The following GOLT1A variants were observed in gnomAD, a reference collection of about 807,000 sequenced individuals.
The protein encoded by GOLT1A is golgi transport 1A.
GOLT1A carries 10 observed loss-of-function variants against 16.1 expected under a neutral mutation model. The ratio of observed to expected loss-of-function variants is 0.62; its 90% CI spans 0.38 to 1.05. GOLT1A has a LOEUF of 1.05. Among genes scored for constraint, GOLT1A ranks in the 50% least tolerant of loss-of-function variants. GOLT1A has a pLI of 0.01. For synonymous variants in GOLT1A, 60 were observed against 67.9 expected (o/e 0.88, Z 0.57); for missense variants, 137 against 165.7 (o/e 0.83, Z 0.95).
In GOLT1A at chr1:204,201,779, A is replaced by C; in HGVS notation, c.150T>G (p.Ile50Met). The C allele has an allele frequency of 6.2e-7, 1 of 1,614,152 alleles. No individual in the cohort carries two copies. The highest frequency in any genetic ancestry group is 1.3e-5 in the African/African-American group (1 of 75,054). ...AGAACCAAAAGGTCTTCCTCAGGCCAATGATGAGGGACAGGCCCGTCAGGA... is the reference window on the plus strand; with the variant it reads ...AGAACCAAAAGGTCTTCCTCAGGCCCATGATGAGGGACAGGCCCGTCAGGA... ...LLFLTGLSLI[I>M]GLRKTFWFFF... Residue 50 changes from isoleucine to methionine, a missense_variant, in exon 3 of 5, where the codon ATT (isoleucine) becomes ATG (methionine). Physicochemically the swap from Ile to Met is conservative, Grantham distance 10. Coordinates refer to ENST00000308302, the MANE Select transcript of GOLT1A (RefSeq NM_198447.2).
intron 1 of GOLT1A, among the ~76,000 whole-genome samples, chr1:204,206,285 T>C (rs1262033281): frequency 6.6e-6 from 1 of 152,214 alleles, no homozygotes; most frequent in East Asian, 1.9e-4. Flanking sequence ...TGATTCCTTG[T>C]GTTCCTGACA....
intron 3 of GOLT1A, 76 bp from the exon 4 acceptor site, chr1:204,199,334 A>G (rs1658915169): frequency 8.4e-7 from 1 of 1,188,176 alleles, no homozygotes. Flanking sequence ...GCTGAGGTCC[A>G]CTGAAAGGTT....
chr1:204,201,830 A>T lies in GOLT1A; in HGVS notation c.118-19T>A. The T allele has an allele frequency of 6.2e-7, 1 of 1,611,170 alleles. No homozygotes were observed. The highest frequency in any genetic ancestry group is 8.5e-7 in the Non-Finnish European group (1 of 1,178,374). Reference sequence around the variant, plus strand: ...ACAGCAGCTGTAGGGGAGGGAGGGGAGCATGAAGCAAACCCACCAGCCCCC... The same window carrying T: ...ACAGCAGCTGTAGGGGAGGGAGGGGTGCATGAAGCAAACCCACCAGCCCCC... On this transcript the variant is annotated intron_variant, in intron 2 of 4. Coordinates refer to ENST00000308302, the MANE Select transcript of GOLT1A (RefSeq NM_198447.2).
chr1:204,199,167 C>G (rs757111163), intron 4 of GOLT1A, 28 bp downstream of exon 4: 1 of 1,561,936 alleles, frequency 6.4e-7, no homozygotes, highest in Non-Finnish European at 8.7e-7. Context: ...AGGGTACGCC[C>G]GCAGGGCTGC....
intron 3 of GOLT1A, among the ~76,000 whole-genome samples, chr1:204,200,490 A>AT (rs370678531): frequency 0.021 from 3,078 of 148,888 alleles, 105 homozygotes; most frequent in African/African-American, 0.073. Context: ...AGCCTGGCTA[A>AT]TTTTTTTTTG....
rs760496162 is a variant in GOLT1A, at chr1:204,201,666, A to C, written c.263T>G (p.Phe88Cys). ...VLLRWPLLGM[F>C]LETYGFFSLF... ...GCTGAAGAATCCGTAGGTTTCCAGGAACATGCCGAGGAGGGGCCAGCGTAG... is the reference window on the plus strand; with the variant it reads ...GCTGAAGAATCCGTAGGTTTCCAGGCACATGCCGAGGAGGGGCCAGCGTAG... Residue 88 changes from phenylalanine to cysteine, a missense_variant, in exon 3 of 5, where the codon TTC (phenylalanine) becomes TGC (cysteine). Phe to Cys is a radical substitution (Grantham distance 205, BLOSUM62 -2). Coordinates refer to ENST00000308302, the MANE Select transcript of GOLT1A (RefSeq NM_198447.2). 1 of 1,614,136 alleles carries C rather than the reference A, an allele frequency of 6.2e-7. No individual in the cohort carries two copies. The highest frequency in any genetic ancestry group is 8.5e-7 in the Non-Finnish European group (1 of 1,180,010).
chr1:204,210,387 T>C (rs192637715), intron 1 of GOLT1A, among the ~76,000 whole-genome samples: 2 of 152,318 alleles, frequency 1.3e-5, no homozygotes, highest in East Asian at 3.9e-4. Context: ...TCTCTTCTCA[T>C]TCTATTTCCA....
Position 204,213,970 on chromosome 1 carries a change from G to A in GOLT1A, c.-64C>T. The A allele has an allele frequency of 6.4e-7, 1 of 1,573,982 alleles. No homozygotes were observed. The highest frequency in any genetic ancestry group is 1.1e-5 in the South Asian group (1 of 87,676). On this transcript the variant is annotated 5_prime_UTR_variant, in exon 1 of 5. Transcript: ENST00000308302. ...GCAAGTGGAGCGTGGCCCAGAGGAC[G>A]CAGCTGGTACATGGTCACGGGAAGC...
Position 204,209,547 on chromosome 1 carries a change from T to A in GOLT1A, c.25+4335A>T, listed in dbSNP as rs531753960. 2.6e-5 allele frequency among the ~76,000 whole-genome samples: 4 copies of A among 152,334 alleles called. No homozygotes were observed. In the East Asian group the frequency reaches 7.7e-4, roughly 29 times the overall value. On this transcript the variant is annotated intron_variant, in intron 1 of 4. Transcript: ENST00000308302. ...CACTTTTTAAAATTAGCAATAGTGA[T>A]TGATAGTGTAATGAACATACTGGGC...
Position 204,200,299 on chromosome 1 carries a change from G to GTGTGTGTATATATATATATATATATATA in GOLT1A, c.297-1042_297-1041insTATATATATATATATATATATACACACA. On this transcript the variant is annotated intron_variant, in intron 3 of 4. Transcript: ENST00000308302. ...GACTGTTTGAAAATGACATATATGTGTATATATATATATATATATATGTTT... is the reference window on the plus strand; with the variant it reads ...GACTGTTTGAAAATGACATATATGTGTGTGTGTATATATATATATATATATATATATATATATATATATATATATGTTT... 1.5e-3 allele frequency among the ~76,000 whole-genome samples: 120 copies of GTGTGTGTATATATATATATATATATATA among 82,596 alleles called. 1 individual carries two copies. The highest frequency in any genetic ancestry group is 5.5e-3 in the African/African-American group (99 of 17,990). 54.2% of individuals were successfully genotyped at this position (82,596 alleles called of 152,430 possible).
chr1:204,199,632 T>G (rs556985254), intron 3 of GOLT1A, among the ~76,000 whole-genome samples: 27 of 152,312 alleles, frequency 1.8e-4, no homozygotes, highest in African/African-American at 6.0e-4. Flanking sequence ...GTTACTCTCA[T>G]GATTATGACT....
rs56134633 is a variant in GOLT1A, at chr1:204,208,432, GTATACA to G, written c.25+5444_26-5446del. On this transcript the variant is annotated intron_variant, in intron 1 of 4. Transcript: ENST00000308302. ...TATATATGTATACATATGTGTATAT[GTATACA>G]TATGTGTGTATATATGTATACTTGT... 5.7e-3 allele frequency among the ~76,000 whole-genome samples: 363 copies of G among 64,220 alleles called. 2 individuals carry two copies. The highest frequency in any genetic ancestry group is 8.4e-3 in the South Asian group (17 of 2,012). 42.1% of individuals were successfully genotyped at this position (64,220 alleles called of 152,430 possible). A position where few individuals can be genotyped will look rare whatever the true frequency, so the allele number is the denominator to read the frequency against.
rs1425770151 is a variant in GOLT1A at position 204,198,512 on chromosome 1, A to G, written c.361-16T>C. 8.1e-6 allele frequency: 13 copies of G among 1,612,020 alleles called. No homozygotes were observed. Among genetic ancestry groups the G allele is most frequent in the Admixed American group, 1.7e-5 (1 of 59,602 alleles). ...TCCGGAACAGCTGTGGGAGCCAAGA[A>G]TCATTACTCCACACAAAGGGTAGAG... On this transcript the variant is annotated splice_polypyrimidine_tract_variant and intron_variant, in intron 4 of 4. Transcript: ENST00000308302.
At chr1:204,208,460 T>TTGCGTG in intron 1 of GOLT1A, among the ~76,000 whole-genome samples, 1 of 55,768 alleles carries the variant, frequency 1.8e-5, no homozygotes, top group African/African-American at 6.2e-5. Context: ...ATATGTATAC[T>TTGCGTG]TGTGTGTGTG....
At chr1:204,209,842 G>A (rs887144609) in intron 1 of GOLT1A, among the ~76,000 whole-genome samples, 4 of 152,152 alleles carry the variant, frequency 2.6e-5, no homozygotes, top group Non-Finnish European at 5.9e-5. Flanking sequence ...ATCATCACCT[G>A]AGGTCAGGAG....
At position 204,213,867 on chromosome 1, in the gene GOLT1A, G is replaced by T. The variant is rs1439265766; in HGVS notation, c.25+15C>A. On this transcript the variant is annotated intron_variant, in intron 1 of 4. Coordinates refer to ENST00000308302, the MANE Select transcript of GOLT1A (RefSeq NM_198447.2). ...GGCCTGGATAGCCCATTGCAGCCCC[G>T]CTCATCCCACTTACTCTGCCATTCG... 1.2e-6 allele frequency: 2 copies of T among 1,612,302 alleles called. No individual in the cohort carries two copies. Among genetic ancestry groups the T allele is most frequent in the African/African-American group, 2.7e-5 (2 of 74,908 alleles).
In GOLT1A at chr1:204,199,195, C is replaced by T. The variant is rs144909438; in HGVS notation, c.360G>A (p.Ala120=). The T allele has an allele frequency of 3.7e-5, 59 of 1,594,520 alleles. No homozygotes were observed. In the East Asian group the frequency reaches 8.6e-4, roughly 23 times the overall value. ...AGGGCTGCAGGCATCATCTGCTTACCGCACCCAGGAAGGGGATGTTGCAGA... is the reference window on the plus strand; with the variant it reads ...AGGGCTGCAGGCATCATCTGCTTACTGCACCCAGGAAGGGGATGTTGCAGA... ...GNVCNIPFLG[A]LFRRLQGTSS... Residue 120 remains alanine, a splice_region_variant and synonymous_variant, in exon 4 of 5, where the codon GCG becomes GCA. Coordinates refer to ENST00000308302, the MANE Select transcript of GOLT1A (RefSeq NM_198447.2).
intron 1 of GOLT1A, among the ~76,000 whole-genome samples, chr1:204,204,882 T>C (rs896819835): frequency 6.6e-6 from 1 of 151,734 alleles, no homozygotes; most frequent in African/African-American, 2.4e-5. Flanking sequence ...TAAGGTAGTA[T>C]ACATTGTGGT....
intron 3 of GOLT1A, among the ~76,000 whole-genome samples, chr1:204,199,687 C>T (rs1374544421): frequency 1.3e-5 from 2 of 152,206 alleles, no homozygotes; most frequent in Non-Finnish European, 2.9e-5. Context: ...CCACCTGCCC[C>T]GGGTGTCCTG....
Sources: allele counts gnomAD v4.1 joint callset (sites outside exome capture counted in the v4.1 genomes callset), GRCh38; gene constraint gnomAD v4.1.1; transcripts MANE v1.5; gene names NCBI Gene and HGNC (gene_info 2026-07-23, HGNC 2026-07-21).